YPEL2: variants seen among roughly 807,000 people sequenced by gnomAD.
YPEL2 encodes yippee like 2, also known as protein yippee-like 2.
Under a neutral mutation model 19.1 loss-of-function variants are expected in YPEL2, and 2 were observed. The ratio of observed to expected loss-of-function variants is 0.10; its 90% CI spans 0.04 to 0.33. The LOEUF is 0.33. Among genes scored for constraint, YPEL2 ranks in the 10% least tolerant of loss-of-function variants. YPEL2 has a pLI of 1.00. For synonymous variants in YPEL2, 52 were observed against 50.0 expected, an observed-to-expected ratio of 1.04 and a Z score of -0.17; for missense variants, 66 against 140.7, an observed-to-expected ratio of 0.47 and a Z score of 2.68.
At chr17:59,365,451 C>T (rs2047863596) in intron 2 of YPEL2, among the ~76,000 whole-genome samples, 1 of 152,154 alleles carries the variant, frequency 6.6e-6, no homozygotes, top group South Asian at 2.1e-4. Flanking sequence ...TGCCTCTGAC[C>T]CACCCGAGGA....
At chr17:59,338,329 C>T (rs1435159966) in intron 1 of YPEL2, among the ~76,000 whole-genome samples, 1 of 152,146 alleles carries the variant, frequency 6.6e-6, no homozygotes, top group African/African-American at 2.4e-5. Flanking sequence ...TCAGTTGCAC[C>T]AGAGAAAGTG....
chr17:59,356,800 T>C (rs993037131), intron 2 of YPEL2, among the ~76,000 whole-genome samples: 15 of 152,246 alleles, frequency 9.9e-5, no homozygotes, highest in Admixed American at 8.5e-4. Context: ...AGACAGCTTT[T>C]TCTTACTTAA....
At chr17:59,351,152 A>G (rs1294332193) in intron 1 of YPEL2, among the ~76,000 whole-genome samples, 2 of 152,160 alleles carry the variant, frequency 1.3e-5, no homozygotes, top group African/African-American at 4.8e-5. Context: ...AGGTGGGTTG[A>G]TCACCTGATG....
chr17:59,397,404 T>A lies in YPEL2; in HGVS notation c.*214T>A, dbSNP rs1351697626. On this transcript the variant is annotated 3_prime_UTR_variant, in exon 5 of 5. Transcript: ENST00000312655. ...TTTGTATCTGTTTGTGAGTTGATCC[T>A]GGCTTCTCTCTCTGTTCTAGTTTTG... 1 of 392,424 alleles carries A rather than the reference T, an allele frequency of 2.5e-6. No homozygotes were observed. Among genetic ancestry groups the A allele is most frequent in the Non-Finnish European group, 4.6e-6 (1 of 218,792 alleles). The allele number at this position is 392,424 out of a possible 1,614,324, so 24.3% of individuals were successfully genotyped here.
intron 2 of YPEL2, among the ~76,000 whole-genome samples, chr17:59,377,543 G>A (rs927681934): frequency 6.6e-6 from 1 of 152,186 alleles, no homozygotes; most frequent in Non-Finnish European, 1.5e-5. Context: ...TCTGGACGAG[G>A]CATACTTCCC....
chr17:59,370,224 G>A (rs1321244504), intron 2 of YPEL2, among the ~76,000 whole-genome samples: 5 of 151,310 alleles, frequency 3.3e-5, no homozygotes, highest in East Asian at 1.9e-4. Flanking sequence ...CACCATGCCC[G>A]GCTAATTTTT....
intron 1 of YPEL2, among the ~76,000 whole-genome samples, chr17:59,332,132 G>C (rs1036758111): frequency 6.6e-6 from 1 of 152,100 alleles, no homozygotes; most frequent in Non-Finnish European, 1.5e-5. Context: ...GCGAGTCTGC[G>C]GGGCCAGGTT....
At chr17:59,365,237 G>A (rs910879082) in intron 2 of YPEL2, among the ~76,000 whole-genome samples, 54 of 152,270 alleles carry the variant, frequency 3.5e-4, no homozygotes, top group Admixed American at 3.3e-3. Flanking sequence ...GTCATCTGTC[G>A]TCTTTTGAGG....
intron 1 of YPEL2, among the ~76,000 whole-genome samples, chr17:59,352,100 A>G (rs2047790194): frequency 6.6e-6 from 1 of 152,232 alleles, no homozygotes; most frequent in Non-Finnish European, 1.5e-5. Context: ...TAGTCCAGCC[A>G]GGAAGATCTG....
intron 2 of YPEL2, among the ~76,000 whole-genome samples, chr17:59,378,031 G>A (rs1478389639): frequency 2.6e-5 from 4 of 152,106 alleles, no homozygotes; most frequent in East Asian, 3.9e-4. Flanking sequence ...CCTGAGGCTC[G>A]GAAGGATGAA....
intron 2 of YPEL2, among the ~76,000 whole-genome samples, chr17:59,384,389 G>C (rs537958812): frequency 1.3e-5 from 2 of 152,236 alleles, no homozygotes; most frequent in African/African-American, 4.8e-5. Context: ...CCCCTTTGTA[G>C]TACTTCATCT....
chr17:59,401,610 C>T lies in YPEL2; in HGVS notation c.*4420C>T, dbSNP rs1409296434. The stretch of plus-strand genomic sequence containing the variant: ...AGGTAATTGTTTTCAAATAATTTGT[C>T]TTCACCTTTTCCTGTATTTGTACAT... On this transcript the variant is annotated 3_prime_UTR_variant, in exon 5 of 5. Transcript: ENST00000312655. 1 of 152,594 alleles carries T rather than the reference C, an allele frequency of 6.6e-6. No homozygotes were observed. Among genetic ancestry groups the T allele is most frequent in the African/African-American group, 2.4e-5 (1 of 41,426 alleles). 9.5% of individuals were successfully genotyped at this position (152,594 alleles called of 1,614,324 possible). A position where few individuals can be genotyped will look rare whatever the true frequency, so the allele number is the denominator to read the frequency against.
intron 2 of YPEL2, among the ~76,000 whole-genome samples, chr17:59,372,416 G>A (rs2047901327): frequency 6.6e-6 from 1 of 152,088 alleles, no homozygotes; most frequent in Non-Finnish European, 1.5e-5. Context: ...TTAGCTGGTT[G>A]CAAAAAAGTA....
intron 1 of YPEL2, among the ~76,000 whole-genome samples, chr17:59,333,996 ACACTAG>A (rs2047685520): frequency 6.6e-6 from 1 of 152,152 alleles, no homozygotes; most frequent in Admixed American, 6.5e-5. Context: ...GCTGCCAATC[ACACTAG>A]CTTAGGCTTT....
intron 2 of YPEL2, among the ~76,000 whole-genome samples, chr17:59,365,304 G>A (rs1463824184): frequency 6.6e-6 from 1 of 152,182 alleles, no homozygotes; most frequent in Non-Finnish European, 1.5e-5. Flanking sequence ...GGTCTCAGGA[G>A]GTGATGAAAT....
chr17:59,387,101 A>C (rs552169154), intron 2 of YPEL2, among the ~76,000 whole-genome samples: 287 of 152,000 alleles, frequency 1.9e-3, no homozygotes, highest in Non-Finnish European at 3.3e-3. Context: ...CTCTACTAAA[A>C]ATACAAAAAT....
At position 59,398,215 on chromosome 17, in the gene YPEL2, C is replaced by G. The variant is rs2048050977; in HGVS notation, c.*1025C>G. On this transcript the variant is annotated 3_prime_UTR_variant, in exon 5 of 5. Transcript: ENST00000312655. ...GGGAGGGGACTGGGTAGGGGTCATC[C>G]CAGGAGGAGGGGTTTACATTGGAAC... 6.6e-6 allele frequency: 1 copy of G among 152,128 alleles called. No individual in the cohort carries two copies. The highest frequency in any genetic ancestry group is 2.4e-5 in the African/African-American group (1 of 41,408). The allele number at this position is 152,128 out of a possible 1,614,324, so 9.4% of individuals were successfully genotyped here.
chr17:59,375,815 T>C lies in YPEL2; in HGVS notation c.118-12512T>C, dbSNP rs573211119. ...TGGAATCAGAGCAGAGAAATTTGAA[T>C]AGCCTAAGAGATTTTCATAAGTTCT... On this transcript the variant is annotated intron_variant, in intron 2 of 4. Transcript: ENST00000312655. Among the ~76,000 whole-genome samples the C allele has an allele frequency of 7.9e-5, 12 of 152,336 alleles. No individual in the cohort carries two copies. The South Asian group carries it at 1.0e-3, about 13-fold the overall frequency.
intron 1 of YPEL2, among the ~76,000 whole-genome samples, chr17:59,337,468 C>T (rs768769657): frequency 9.2e-5 from 14 of 152,106 alleles, no homozygotes; most frequent in Non-Finnish European, 2.1e-4. Flanking sequence ...GGATTACAAG[C>T]GTGAGCCACC....
Sources: gnomAD v4.1 joint callset for allele counts (sites outside exome capture counted in the v4.1 genomes callset) on GRCh38, gnomAD v4.1.1 for gene constraint, MANE v1.5 for transcripts, NCBI Gene and HGNC (gene_info 2026-07-23, HGNC 2026-07-21) for gene names.